Variants in LMOD1 observed in about 807,000 individuals in gnomAD.
LMOD1 encodes leiomodin 1.
A neutral mutation model predicts 36.5 loss-of-function variants in LMOD1; 8 were observed. That is an observed-to-expected ratio of 0.22 (90% confidence interval 0.13 to 0.40). LMOD1 has a LOEUF of 0.40. Among genes scored for constraint, LMOD1 ranks in the 10% least tolerant of loss-of-function variants. The pLI is 1.00. For synonymous variants in LMOD1, 284 were observed against 288.7 expected, an observed-to-expected ratio of 0.98 and a Z score of 0.17; for missense variants, 630 against 751.1, an observed-to-expected ratio of 0.84 and a Z score of 1.88.
Position 201,899,632 on chromosome 1 carries a change from T to C in LMOD1, c.1381A>G (p.Met461Val). 1 of 1,613,162 alleles carries C rather than the reference T, an allele frequency of 6.2e-7. No homozygotes were observed. The highest frequency in any genetic ancestry group is 1.3e-5 in the African/African-American group (1 of 75,040). Reference protein sequence around the residue: ...GYHFELAGPRMTVTNLLSRNM... With the variant: ...GYHFELAGPRVTVTNLLSRNM... ...CGGCTGAGCAGATTGGTGACAGTCATTCGGGGCCCGGCCAGCTCAAAATGG... is the reference window on the plus strand; with the variant it reads ...CGGCTGAGCAGATTGGTGACAGTCACTCGGGGCCCGGCCAGCTCAAAATGG... The change falls in exon 2 of 3, where the codon ATG (methionine) becomes GTG (valine). Residue 461 changes from methionine (M) to valine (V), a missense_variant. Around this residue, in one of 3 missense-constraint regions of LMOD1, gnomAD observed 81 missense variants for 180.6 expected, o/e 0.45. Coordinates refer to ENST00000367288, the MANE Select transcript of LMOD1 (RefSeq NM_012134.3). The surrounding 1 kb of genome is among the most constrained non-coding windows in gnomAD (Gnocchi z 6.3).
intron 1 of LMOD1, among the ~76,000 whole-genome samples, chr1:201,941,617 C>T (rs1050849884): frequency 1.3e-5 from 2 of 152,214 alleles, no homozygotes; most frequent in Admixed American, 6.5e-5. Context: ...AGGGTTAGGC[C>T]GCCGGCCTCG....
In LMOD1 at chr1:201,946,516, C is replaced by A; in HGVS notation, c.-176G>T. ...CAGGTGCTGAAGTGTTCACTGGACG[C>A]AGCAGCCTCCCTGAAGCCCAGGGCT... On this transcript the variant is annotated 5_prime_UTR_variant, in exon 1 of 3. Coordinates refer to ENST00000367288, the MANE Select transcript of LMOD1 (RefSeq NM_012134.3). 1.5e-6 allele frequency: 1 copy of A among 670,608 alleles called. No homozygotes were observed. Among genetic ancestry groups the A allele is most frequent in the Non-Finnish European group, 2.5e-6 (1 of 402,506 alleles). The allele number at this position is 670,608 out of a possible 1,614,324, so 41.5% of individuals were successfully genotyped here. A position where few individuals can be genotyped will look rare whatever the true frequency, so the allele number is the denominator to read the frequency against.
At chr1:201,907,538 T>G (rs1357346379) in intron 1 of LMOD1, among the ~76,000 whole-genome samples, 1 of 152,222 alleles carries the variant, frequency 6.6e-6, no homozygotes, top group African/African-American at 2.4e-5. Context: ...CATTGTGTGC[T>G]TTTCCATGGA....
At chr1:201,938,030 C>G (rs1682046250) in intron 1 of LMOD1, among the ~76,000 whole-genome samples, 1 of 151,944 alleles carries the variant, frequency 6.6e-6, no homozygotes, top group Admixed American at 6.6e-5. Context: ...TGTTCATGGG[C>G]CTTTACTACT....
chr1:201,939,760 C>CTG (rs56135181), intron 1 of LMOD1, among the ~76,000 whole-genome samples: 25,626 of 149,170 alleles, frequency 0.17, 2,209 homozygotes, highest in Middle Eastern at 0.22. Flanking sequence ...TCTGCTCCTG[C>CTG]TGTGTGTGTG....
intron 1 of LMOD1, among the ~76,000 whole-genome samples, chr1:201,910,128 G>T (rs917168450): frequency 1.3e-5 from 2 of 152,238 alleles, no homozygotes; most frequent in Non-Finnish European, 2.9e-5. Context: ...GCCATCTGAA[G>T]TGGGCAGAGC....
intron 1 of LMOD1, among the ~76,000 whole-genome samples, chr1:201,921,335 A>G: frequency 6.6e-6 from 1 of 151,574 alleles, no homozygotes; most frequent in East Asian, 1.9e-4. Flanking sequence ...TAAAAATACA[A>G]AAATTAGCTG....
At chr1:201,917,129 C>T (rs1226674743) in intron 1 of LMOD1, among the ~76,000 whole-genome samples, 2 of 152,166 alleles carry the variant, frequency 1.3e-5, no homozygotes, top group Non-Finnish European at 2.9e-5. Flanking sequence ...TGGCTGGGCA[C>T]TTACACTGCA....
In LMOD1 at chr1:201,902,153, T is replaced by G. The variant is rs376252970; in HGVS notation, c.262-1402A>C. Among the ~76,000 whole-genome samples, 11 of 151,974 alleles carry G rather than the reference T, an allele frequency of 7.2e-5. No individual in the cohort carries two copies. In the East Asian group the frequency reaches 2.1e-3, roughly 29 times the overall value. On this transcript the variant is annotated intron_variant, in intron 1 of 2. Coordinates refer to ENST00000367288, the MANE Select transcript of LMOD1 (RefSeq NM_012134.3). Reference sequence around the variant, plus strand: ...CTCATTAAAATAAGAAGGAGCTAATTTTAAAGAAGGTAGGCATAACAGAGT... The same window carrying G: ...CTCATTAAAATAAGAAGGAGCTAATGTTAAAGAAGGTAGGCATAACAGAGT...
At position 201,900,485 on chromosome 1, in the gene LMOD1, C is replaced by T. The variant is rs1407571710; in HGVS notation, c.528G>A (p.Gly176=). 1.1e-5 allele frequency: 17 copies of T among 1,613,520 alleles called. No homozygotes were observed. Among genetic ancestry groups the T allele is most frequent in the Non-Finnish European group, 1.4e-5 (16 of 1,179,700 alleles). The change falls in exon 2 of 3, where the codon GGG becomes GGA. Residue 176 remains glycine (G), a synonymous_variant. Transcript: ENST00000367288. ...TGGCCACTGCCCTCTCCTCTCCTCT[C>T]CCATCCTTCCCTGCCTCCTTCTTAT... The part of the protein sequence containing the change: ...AVDKKEAGKD[G]RGEERAVATK...
chr1:201,923,906 AGG>A (rs148401904), intron 1 of LMOD1, among the ~76,000 whole-genome samples: 124 of 128,360 alleles, frequency 9.7e-4, no homozygotes, highest in Non-Finnish European at 1.4e-3. Flanking sequence ...AGAGAGAGGG[AGG>A]GAGAGAGAGA....
intron 1 of LMOD1, among the ~76,000 whole-genome samples, chr1:201,919,669 T>C (rs1033029167): frequency 6.6e-6 from 1 of 152,230 alleles, no homozygotes; most frequent in Non-Finnish European, 1.5e-5. Flanking sequence ...AAAGTTCATC[T>C]GTTAGACTAA....
At chr1:201,922,894 G>A (rs1358948253) in intron 1 of LMOD1, among the ~76,000 whole-genome samples, 4 of 151,580 alleles carry the variant, frequency 2.6e-5, no homozygotes, top group Middle Eastern at 3.2e-3. Flanking sequence ...GCACGATCTC[G>A]GCTCACTGCA....
At chr1:201,943,289 C>T (rs34070662) in intron 1 of LMOD1, among the ~76,000 whole-genome samples, 15,037 of 152,226 alleles carry the variant, frequency 0.099, 853 homozygotes, top group East Asian at 0.26. Flanking sequence ...GTTATTCAAC[C>T]TCTCTAAGAT....
chr1:201,900,173 C>T lies in LMOD1; in HGVS notation c.840G>A (p.Lys280=), dbSNP rs1558234086. 6.2e-7 allele frequency: 1 copy of T among 1,613,936 alleles called. No homozygotes were observed. The highest frequency in any genetic ancestry group is 8.5e-7 in the Non-Finnish European group (1 of 1,179,880). ...TGGTCTTGCTGTCATCCTTGGCTTCCTTTTCATGTAAGGGTTCATTCTTCT... is the reference window on the plus strand; with the variant it reads ...TGGTCTTGCTGTCATCCTTGGCTTCTTTTTCATGTAAGGGTTCATTCTTCT... The part of the protein sequence containing the change: ...KVKKNEPLHE[K]EAKDDSKTKT... The change falls in exon 2 of 3, where the codon AAG becomes AAA. Residue 280 remains lysine (K), a synonymous_variant. Transcript: ENST00000367288.
chr1:201,913,715 G>A (rs1028466007), intron 1 of LMOD1, among the ~76,000 whole-genome samples: 1 of 152,176 alleles, frequency 6.6e-6, no homozygotes, highest in African/African-American at 2.4e-5. Context: ...GAAGGTATGT[G>A]GGCAAGAGTG....
In LMOD1 at chr1:201,941,037, G is replaced by A. The variant is rs111681626; in HGVS notation, c.261+5043C>T. 7.6e-3 allele frequency among the ~76,000 whole-genome samples: 1,152 copies of A among 151,292 alleles called. 14 individuals are homozygous for A. The highest frequency in any genetic ancestry group is 0.026 in the African/African-American group (1,079 of 41,030). The stretch of plus-strand genomic sequence containing the variant: ...GCTGGGATTACAGGTGTGAGCCACC[G>A]TGCCTGGCCATTTTTTTTTTTGTAT... On this transcript the variant is annotated intron_variant, in intron 1 of 2. Coordinates refer to ENST00000367288, the MANE Select transcript of LMOD1 (RefSeq NM_012134.3).
chr1:201,917,918 T>C lies in LMOD1; in HGVS notation c.262-17167A>G, dbSNP rs117306411. On this transcript the variant is annotated intron_variant, in intron 1 of 2. Transcript: ENST00000367288. ...TTCCTTCTAAACAGAAAAGGGTACA[T>C]TGGCTAAAGCAGGAGCAGCTTTATG... Among the ~76,000 whole-genome samples, 102 of 152,310 alleles carry C rather than the reference T, an allele frequency of 6.7e-4. 1 individual carries two copies. In the East Asian group the frequency reaches 0.014, roughly 21 times the overall value.
intron 1 of LMOD1, among the ~76,000 whole-genome samples, chr1:201,927,932 T>A (rs1209525837): frequency 1.3e-5 from 2 of 152,160 alleles, no homozygotes; most frequent in African/African-American, 4.8e-5. Flanking sequence ...AGTGCAGTGA[T>A]GTTGGGAGCT....
Sources: gnomAD v4.1 joint callset for allele counts (sites outside exome capture counted in the v4.1 genomes callset) on GRCh38, gnomAD v4.1.1 for gene constraint, gnomAD v4.1.1 regional missense constraint, Gnocchi (gnomAD v3.1) non-coding constraint, MANE v1.5 for transcripts, NCBI Gene and HGNC (gene_info 2026-07-23, HGNC 2026-07-21) for gene names.